CUL1: variants seen among roughly 807,000 people sequenced by gnomAD.
CUL1 encodes cullin-1.
Under a neutral mutation model 118.0 loss-of-function variants are expected in CUL1, and 24 were observed. That is an observed-to-expected ratio of 0.20 (90% CI 0.15 to 0.29). The LOEUF is 0.29. Among genes scored for constraint, CUL1 ranks in the 10% least tolerant of loss-of-function variants. CUL1 has a pLI of 1.00. For synonymous variants in CUL1, 332 were observed against 340.4 expected (o/e 0.98, Z 0.27); for missense variants, 361 against 933.8 (o/e 0.39, Z 7.99).
intron 9 of CUL1, among the ~76,000 whole-genome samples, chr7:148,771,817 C>A (rs1264106736): frequency 1.3e-5 from 2 of 152,028 alleles, no homozygotes; most frequent in Admixed American, 1.3e-4. Context: ...GGGAATGTAT[C>A]AAAAAATAGT....
At chr7:148,716,011 A>C (rs890857747) in intron 1 of CUL1, among the ~76,000 whole-genome samples, 1 of 152,170 alleles carries the variant, frequency 6.6e-6, no homozygotes, top group African/African-American at 2.4e-5. Context: ...TGTAATCTAG[A>C]ACTGCCATGA....
chr7:148,787,673 C>T lies in CUL1; in HGVS notation c.1479+553C>T, dbSNP rs372545047. ...CCCAGGCCTGGCTGGGCTCAGCTCACCATCTGTGGGGCCTCTCCTGCCTCC... is the reference window on the plus strand; with the variant it reads ...CCCAGGCCTGGCTGGGCTCAGCTCATCATCTGTGGGGCCTCTCCTGCCTCC... On this transcript the variant is annotated intron_variant, in intron 13 of 21. Coordinates refer to ENST00000325222, the MANE Select transcript of CUL1 (RefSeq NM_003592.3). This position sits in a 1 kb window ranked among gnomAD's most constrained non-coding sequence, Gnocchi z 5.5. 6.6e-6 allele frequency among the ~76,000 whole-genome samples: 1 copy of T among 152,128 alleles called. No individual in the cohort carries two copies. Among genetic ancestry groups the T allele is most frequent in the Non-Finnish European group, 1.5e-5 (1 of 68,026 alleles).
At chr7:148,725,477 A>T (rs1482409932) in intron 1 of CUL1, among the ~76,000 whole-genome samples, 1 of 152,214 alleles carries the variant, frequency 6.6e-6, no homozygotes, top group Non-Finnish European at 1.5e-5. Context: ...ACCCTCTGGC[A>T]ACGCTTGTTA....
At chr7:148,783,244 C>A (rs1800703089) in intron 9 of CUL1, 2 of 777,786 alleles carry the variant, frequency 2.6e-6, no homozygotes, top group African/African-American at 3.8e-5. Flanking sequence ...CGCCGCGCTC[C>A]GCCCCTCTTC....
chr7:148,763,317 T>C (rs1026343769), intron 7 of CUL1, among the ~76,000 whole-genome samples: 2 of 151,992 alleles, frequency 1.3e-5, no homozygotes, highest in Non-Finnish European at 2.9e-5. Context: ...TCTAGAAGAG[T>C]TAAAGGTTTG....
At chr7:148,746,824 C>T (rs975556067) in intron 2 of CUL1, among the ~76,000 whole-genome samples, 1 of 152,266 alleles carries the variant, frequency 6.6e-6, no homozygotes, top group Middle Eastern at 3.4e-3. Flanking sequence ...ATACATGTTA[C>T]GATTGATGTC....
intron 9 of CUL1, among the ~76,000 whole-genome samples, chr7:148,772,031 AC>A (rs1800229409): frequency 6.6e-6 from 1 of 152,158 alleles, no homozygotes; most frequent in African/African-American, 2.4e-5. Context: ...AGAATGGCTC[AC>A]CTTAATGATT....
intron 2 of CUL1, among the ~76,000 whole-genome samples, chr7:148,752,158 A>G (rs944608263): frequency 6.6e-6 from 1 of 152,232 alleles, no homozygotes; most frequent in Non-Finnish European, 1.5e-5. Flanking sequence ...TATTTGATAC[A>G]CATTTATCCA....
chr7:148,783,675 T>A (rs755592386), intron 9 of CUL1, 108 bp from the exon 10 acceptor site: 1 of 1,566,934 alleles, frequency 6.4e-7, no homozygotes, highest in Non-Finnish European at 8.7e-7. Flanking sequence ...TGAAAAGGTA[T>A]CTATAGCTTT....
intron 7 of CUL1, among the ~76,000 whole-genome samples, chr7:148,764,990 T>G (rs570652092): frequency 6.6e-6 from 1 of 152,366 alleles, no homozygotes; most frequent in Admixed American, 6.5e-5. Context: ...ATTGGAAATG[T>G]ATTAACTTCA....
At chr7:148,779,425 C>G (rs1212016509) in intron 9 of CUL1, among the ~76,000 whole-genome samples, 2 of 152,100 alleles carry the variant, frequency 1.3e-5, no homozygotes, top group Admixed American at 1.3e-4. Flanking sequence ...CTTGGAAATT[C>G]AGAGAAAGCA....
chr7:148,720,783 C>T (rs573167078), intron 1 of CUL1, among the ~76,000 whole-genome samples: 54 of 152,248 alleles, frequency 3.5e-4, no homozygotes, highest in African/African-American at 1.2e-3. Context: ...TTGGAGTTGT[C>T]GTCGAGGGTT....
chr7:148,720,521 G>C (rs1482437102), intron 1 of CUL1, among the ~76,000 whole-genome samples: 1 of 152,122 alleles, frequency 6.6e-6, no homozygotes, highest in Non-Finnish European at 1.5e-5. Flanking sequence ...TGAAAGTCTT[G>C]GTAGAGGGAA....
intron 1 of CUL1, among the ~76,000 whole-genome samples, chr7:148,725,219 G>GCGCGCGCGCGCACACACACACACACA: frequency 7.1e-6 from 1 of 140,060 alleles, no homozygotes; most frequent in African/African-American, 2.8e-5. Flanking sequence ...ACACGCGCGC[G>GCGCGCGCGCGCACACACACACACACA]CTCACACACA....
chr7:148,781,713 G>A (rs1477653787), intron 9 of CUL1, among the ~76,000 whole-genome samples: 4 of 152,202 alleles, frequency 2.6e-5, no homozygotes, highest in Non-Finnish European at 5.9e-5. Context: ...TGAGTAAGTT[G>A]AGGCTGGCGT....
chr7:148,769,881 A>G (rs764718725), intron 9 of CUL1, among the ~76,000 whole-genome samples: 11 of 151,502 alleles, frequency 7.3e-5, no homozygotes, highest in Middle Eastern at 3.2e-3. Flanking sequence ...AGGAAGAAAG[A>G]AAAAAAAAGC....
chr7:148,707,252 A>G (rs796068619), intron 1 of CUL1, among the ~76,000 whole-genome samples: 34 of 152,276 alleles, frequency 2.2e-4, no homozygotes, highest in African/African-American at 7.7e-4. Flanking sequence ...GCACCTGGAA[A>G]TATTCGTGGT....
chr7:148,729,139 G>T (rs909404982), intron 1 of CUL1, among the ~76,000 whole-genome samples: 1 of 152,180 alleles, frequency 6.6e-6, no homozygotes, highest in Non-Finnish European at 1.5e-5. Flanking sequence ...TTATTTATGT[G>T]TCCAAGATGC....
intron 2 of CUL1, 147 bp from the exon 3 acceptor site, chr7:148,753,829 G>A (rs1799571252): frequency 3.2e-6 from 2 of 617,722 alleles, no homozygotes; most frequent in Non-Finnish European, 5.3e-6. Context: ...TGGATAGTGT[G>A]AATGGGATCT....
Sources: allele counts gnomAD v4.1 joint callset (sites outside exome capture counted in the v4.1 genomes callset), GRCh38; gene constraint gnomAD v4.1.1; non-coding constraint Gnocchi (gnomAD v3.1); transcripts MANE v1.5; gene names NCBI Gene and HGNC (gene_info 2026-07-23, HGNC 2026-07-21).